ACOXL: variants seen among roughly 807,000 people sequenced by gnomAD.
ACOXL encodes acyl-CoA oxidase like, also known as acyl-coenzyme A oxidase-like protein.
Under a neutral mutation model 71.9 loss-of-function variants are expected in ACOXL, and 70 were observed. The ratio of observed to expected loss-of-function variants is 0.97; its 90% CI spans 0.80 to 1.19. The LOEUF is 1.19. Ranked by LOEUF, ACOXL falls within the 50% of genes most tolerant of loss-of-function variation. ACOXL has a pLI of 0.00. For missense variants in ACOXL, 703 were observed against 736.3 expected (o/e 0.95, Z 0.52); for synonymous variants, 253 against 281.6 (o/e 0.90, Z 1.02).
At chr2:110,935,602 C>A (rs1264935864) in intron 12 of ACOXL, among the ~76,000 whole-genome samples, 1 of 152,156 alleles carries the variant, frequency 6.6e-6, no homozygotes, top group African/African-American at 2.4e-5. Flanking sequence ...GGAATGCCAG[C>A]CCCCCAGGCA....
At chr2:110,866,293 G>T (rs867863288) in intron 10 of ACOXL, among the ~76,000 whole-genome samples, 7 of 152,166 alleles carry the variant, frequency 4.6e-5, no homozygotes, top group Admixed American at 1.3e-4. Context: ...AAGATCTGGG[G>T]CAGTGGTGTT....
intron 3 of ACOXL, among the ~76,000 whole-genome samples, chr2:110,788,862 C>T (rs1684304553): frequency 6.6e-6 from 1 of 152,202 alleles, no homozygotes; most frequent in African/African-American, 2.4e-5. Context: ...ATGTGGTGTG[C>T]TGGGAACAGT....
intron 16 of ACOXL, among the ~76,000 whole-genome samples, chr2:111,088,301 C>A (rs1198099122): frequency 6.6e-6 from 1 of 152,092 alleles, no homozygotes; most frequent in Non-Finnish European, 1.5e-5. Context: ...GGGCATATAC[C>A]CAAAGGAATA....
chr2:110,964,080 T>G (rs1390944444), intron 12 of ACOXL, among the ~76,000 whole-genome samples: 2 of 152,202 alleles, frequency 1.3e-5, no homozygotes, highest in African/African-American at 2.4e-5. Flanking sequence ...CATATTAGAC[T>G]ATTCGGCAAT....
At chr2:110,970,576 G>A (rs997951022) in intron 12 of ACOXL, among the ~76,000 whole-genome samples, 2 of 152,208 alleles carry the variant, frequency 1.3e-5, no homozygotes, top group African/African-American at 4.8e-5. Flanking sequence ...TAGGAAAAAG[G>A]CAAGAATGTC....
intron 12 of ACOXL, among the ~76,000 whole-genome samples, chr2:110,973,180 CAGG>C (rs1360344802): frequency 2.0e-5 from 3 of 152,158 alleles, no homozygotes. Flanking sequence ...AAATAAAAAG[CAGG>C]AATAAGTAAA....
chr2:111,104,930 G>A (rs1386474854), intron 17 of ACOXL, among the ~76,000 whole-genome samples: 1 of 151,972 alleles, frequency 6.6e-6, no homozygotes, highest in Non-Finnish European at 1.5e-5. Context: ...ATTATCCTAT[G>A]GGCTTTATCT....
chr2:110,784,683 G>C (rs775383528), intron 2 of ACOXL, 49 bp from the exon 3 acceptor site: 1 of 1,418,408 alleles, frequency 7.1e-7, no homozygotes, highest in East Asian at 2.6e-5. Context: ...AATTTAACAA[G>C]TCAGAAAACC....
intron 15 of ACOXL, among the ~76,000 whole-genome samples, chr2:111,047,900 A>G (rs1431419845): frequency 6.6e-6 from 1 of 152,228 alleles, no homozygotes; most frequent in African/African-American, 2.4e-5. Context: ...AATCAGCACC[A>G]GATACAACTG....
intron 13 of ACOXL, among the ~76,000 whole-genome samples, chr2:110,991,007 G>T (rs553618053): frequency 6.6e-6 from 1 of 152,100 alleles, no homozygotes; most frequent in Non-Finnish European, 1.5e-5. Flanking sequence ...AGTTATTTTG[G>T]GGGGAGTGGT....
At chr2:110,798,530 A>G (rs1685554939) in intron 5 of ACOXL, 80 bp from the exon 6 acceptor site, 1 of 1,152,410 alleles carries the variant, frequency 8.7e-7, no homozygotes, top group Non-Finnish European at 1.3e-6. Flanking sequence ...TGCTGGGATT[A>G]CAGTATTCAT....
At chr2:110,943,607 C>A (rs1474721520) in intron 12 of ACOXL, among the ~76,000 whole-genome samples, 2 of 152,162 alleles carry the variant, frequency 1.3e-5, no homozygotes, top group East Asian at 3.9e-4. Flanking sequence ...TCTGCATTTG[C>A]ACACAGGTCC....
In ACOXL at chr2:110,799,095, A is replaced by G; in HGVS notation, c.542A>G (p.Lys181Arg). 1.2e-6 allele frequency: 2 copies of G among 1,613,802 alleles called. No individual in the cohort carries two copies. The highest frequency in any genetic ancestry group is 3.3e-4 in the Middle Eastern group (2 of 6,056). Residue 181 changes from lysine to arginine, a missense_variant, in exon 7 of 18, where the codon AAG becomes AGG. Transcript: ENST00000439055. ...GTCACAGCTATTGATATGATGTACAAGGAGGGTGAGTCCCCAGGTGCCCTT... is the reference window on the plus strand; with the variant it reads ...GTCACAGCTATTGATATGATGTACAGGGAGGGTGAGTCCCCAGGTGCCCTT... ...PGVTAIDMMYKEGLHGVDNGI... is the reference protein window; with the variant it reads ...PGVTAIDMMYREGLHGVDNGI...
At chr2:110,816,225 T>G (rs1687904499) in intron 9 of ACOXL, among the ~76,000 whole-genome samples, 1 of 151,414 alleles carries the variant, frequency 6.6e-6, no homozygotes, top group Non-Finnish European at 1.5e-5. Flanking sequence ...GATGGATGGA[T>G]GGATGGATGG....
At chr2:110,777,972 C>T (rs1682858811) in intron 2 of ACOXL, among the ~76,000 whole-genome samples, 2 of 152,184 alleles carry the variant, frequency 1.3e-5, no homozygotes, top group Admixed American at 1.3e-4. Flanking sequence ...GCATGTGAGC[C>T]GAGTTCAACT....
rs542167931 is a variant in ACOXL, at chr2:110,772,201, A to G, written c.75+3737A>G. 3.3e-5 allele frequency among the ~76,000 whole-genome samples: 5 copies of G among 152,218 alleles called. No homozygotes were observed. The South Asian group carries it at 8.3e-4, about 25-fold the overall frequency. On this transcript the variant is annotated intron_variant, in intron 2 of 17. Coordinates refer to ENST00000439055, the MANE Select transcript of ACOXL (RefSeq NM_001142807.4). ...TGTATATATAAATGACTAGTGAACCAGGGATTCAAACCCAGGTGCTCTGCT... is the reference window on the plus strand; with the variant it reads ...TGTATATATAAATGACTAGTGAACCGGGGATTCAAACCCAGGTGCTCTGCT...
In ACOXL at chr2:110,948,476, C is replaced by T. The variant is rs549626143; in HGVS notation, c.1059+14834C>T. Among the ~76,000 whole-genome samples the T allele has an allele frequency of 7.9e-4, 120 of 152,194 alleles. 3 individuals are homozygous for T. The highest frequency in any genetic ancestry group is 7.1e-3 in the Admixed American group (109 of 15,284). On this transcript the variant is annotated intron_variant, in intron 12 of 17. Transcript: ENST00000439055. ...GCCAACCCTTGGAACAGAGCCAAGG[C>T]CTGAAATAAACAAAACAGATCTCTG...
intron 1 of ACOXL, among the ~76,000 whole-genome samples, chr2:110,764,608 T>C (rs1389619803): frequency 1.3e-5 from 2 of 152,222 alleles, no homozygotes; most frequent in Non-Finnish European, 2.9e-5. Flanking sequence ...ACCCACAGAA[T>C]GTACAATTCC....
intron 14 of ACOXL, among the ~76,000 whole-genome samples, chr2:111,006,206 G>A (rs976674413): frequency 3.9e-5 from 6 of 152,220 alleles, no homozygotes; most frequent in African/African-American, 1.2e-4. Context: ...AGCATCGATG[G>A]CTGCCTGTGC....
Sources: allele counts gnomAD v4.1 joint callset (sites outside exome capture counted in the v4.1 genomes callset), GRCh38; gene constraint gnomAD v4.1.1; transcripts MANE v1.5; gene names NCBI Gene and HGNC (gene_info 2026-07-23, HGNC 2026-07-21).